TMEM266: variants seen among roughly 807,000 people sequenced by gnomAD.
The protein encoded by TMEM266 is Hv1 related protein 1.
TMEM266 carries 33 observed loss-of-function variants against 50.5 expected under a neutral mutation model. That is an observed-to-expected ratio of 0.65 (90% CI 0.50 to 0.87). The LOEUF (loss-of-function observed/expected upper bound fraction) is 0.87. TMEM266 is among the 40% of genes least tolerant of loss of function. The probability of loss-of-function intolerance (pLI) is 0.00; values close to 1 mark genes in which losing one functional copy is unlikely to be tolerated. For synonymous variants in TMEM266, 310 were observed against 292.3 expected, an observed-to-expected ratio of 1.06 and a Z score of -0.62; for missense variants, 655 against 695.1, an observed-to-expected ratio of 0.94 and a Z score of 0.65.
intron 4 of TMEM266, among the ~76,000 whole-genome samples, 190 bp from the exon 5 acceptor site, chr15:76,159,905 A>G (rs2037990409): frequency 6.6e-6 from 1 of 152,056 alleles, no homozygotes; most frequent in Admixed American, 6.5e-5. Flanking sequence ...TGGCTCCCAA[A>G]TGTCCTACTG....
chr15:76,156,464 T>G, intron 3 of TMEM266, 140 bp from the exon 4 acceptor site: 1 of 806,796 alleles, frequency 1.2e-6, no homozygotes, highest in South Asian at 1.8e-5. Flanking sequence ...TGAGGTTGTG[T>G]TTCGCCATGA....
chr15:76,174,760 A>G (rs2038246993), intron 7 of TMEM266: 1 of 152,214 alleles, frequency 6.6e-6, no homozygotes, highest in South Asian at 2.1e-4. Flanking sequence ...TTTCATATAA[A>G]TGGAATCATG....
intron 9 of TMEM266, among the ~76,000 whole-genome samples, chr15:76,194,231 T>C (rs2038623275): frequency 6.6e-6 from 1 of 152,256 alleles, no homozygotes; most frequent in Non-Finnish European, 1.5e-5. Flanking sequence ...AGCTGTAGCT[T>C]GTTTGATTCC....
chr15:76,171,225 G>A, intron 7 of TMEM266, 94 bp downstream of exon 7: 1 of 1,504,438 alleles, frequency 6.6e-7, no homozygotes, highest in South Asian at 1.3e-5. Flanking sequence ...GGTACACCCT[G>A]CTGGCGTCAG....
In TMEM266 at chr15:76,168,624, T is replaced by C. The variant is rs1322404735; in HGVS notation, c.457-1192T>C. Among the ~76,000 whole-genome samples, 1 of 152,234 alleles carries C rather than the reference T, an allele frequency of 6.6e-6. No individual in the cohort carries two copies. The highest frequency in any genetic ancestry group is 6.5e-5 in the Admixed American group (1 of 15,290). ...GAAACCGCTCCTGAAGGCAGCACCA[T>C]TCGGGAATTATTCCTTCATGCACGC... On this transcript the variant is annotated intron_variant, in intron 5 of 10. Transcript: ENST00000388942. The surrounding 1 kb of genome is among the most constrained non-coding windows in gnomAD (Gnocchi z 4.4).
At chr15:76,107,868 T>C (rs1463790235) in intron 1 of TMEM266, among the ~76,000 whole-genome samples, 2 of 152,226 alleles carry the variant, frequency 1.3e-5, no homozygotes, top group East Asian at 3.8e-4. Context: ...TTATTCCATA[T>C]CCTTCTGTCA....
rs192082636 is a variant in TMEM266 at position 76,064,784 on chromosome 15, G to A, written c.-97+4768G>A. Among the ~76,000 whole-genome samples, 9 of 152,334 alleles carry A rather than the reference G, an allele frequency of 5.9e-5. No homozygotes were observed. In the East Asian group the frequency reaches 1.7e-3, roughly 29 times the overall value. The stretch of plus-strand genomic sequence containing the variant: ...AAGTATTTTTGCCCTTTGCAGCCCA[G>A]GTTTTTGGAAGTCCAGGCAGCTGTT... On this transcript the variant is annotated intron_variant, in intron 1 of 10. Coordinates refer to ENST00000388942, the MANE Select transcript of TMEM266 (RefSeq NM_152335.3).
At chr15:76,126,493 C>A (rs2037425262) in intron 1 of TMEM266, among the ~76,000 whole-genome samples, 1 of 151,112 alleles carries the variant, frequency 6.6e-6, no homozygotes, top group South Asian at 2.1e-4. Flanking sequence ...CTAAGCCAGT[C>A]ACAGAAAGAC....
intron 1 of TMEM266, among the ~76,000 whole-genome samples, chr15:76,128,368 G>A (rs2037456290): frequency 6.6e-6 from 1 of 152,192 alleles, no homozygotes; most frequent in Non-Finnish European, 1.5e-5. Context: ...AGCTTAGGAA[G>A]GTTGAACTTG....
At chr15:76,172,755 C>T (rs1208880891) in intron 7 of TMEM266, among the ~76,000 whole-genome samples, 1 of 152,172 alleles carries the variant, frequency 6.6e-6, no homozygotes, top group East Asian at 1.9e-4. Context: ...AGGCTCAGAA[C>T]CAGAAGTGGA....
intron 1 of TMEM266, among the ~76,000 whole-genome samples, chr15:76,080,244 G>T (rs928801402): frequency 8.2e-6 from 1 of 122,490 alleles, no homozygotes; most frequent in Non-Finnish European, 1.7e-5. Flanking sequence ...GCAGGTGCCC[G>T]TAATCCCAGC....
At chr15:76,066,168 G>A (rs2036414591) in intron 1 of TMEM266, among the ~76,000 whole-genome samples, 1 of 152,128 alleles carries the variant, frequency 6.6e-6, no homozygotes, top group African/African-American at 2.4e-5. Flanking sequence ...TCTTTTAACT[G>A]CCAAAACATT....
chr15:76,191,695 T>G, intron 8 of TMEM266: 8 of 397,952 alleles, frequency 2.0e-5, no homozygotes, highest in Non-Finnish European at 3.1e-5. Flanking sequence ...AGGAAACACG[T>G]TGTGTTTCCT....
chr15:76,169,315 G>A (rs77476788), intron 5 of TMEM266, among the ~76,000 whole-genome samples: 5,389 of 152,216 alleles, frequency 0.035, 148 homozygotes, highest in Non-Finnish European at 0.055. Flanking sequence ...TTATTGTACA[G>A]GAAGGAGGGA....
At chr15:76,195,385 CT>C (rs1567184438) in intron 9 of TMEM266, among the ~76,000 whole-genome samples, 1 of 152,254 alleles carries the variant, frequency 6.6e-6, no homozygotes, top group Non-Finnish European at 1.5e-5. Context: ...TGCGTCTTCT[CT>C]GGGAGCTGAG....
chr15:76,075,896 T>C lies in TMEM266; in HGVS notation c.-97+15880T>C, dbSNP rs2036600793. Reference sequence around the variant, plus strand: ...TTTTGAGACACGGGCTTTTTTTGTGTCCCGGGCTGGAGTGCAGTGGCACAA... The same window carrying C: ...TTTTGAGACACGGGCTTTTTTTGTGCCCCGGGCTGGAGTGCAGTGGCACAA... On this transcript the variant is annotated intron_variant, in intron 1 of 10. Coordinates refer to ENST00000388942, the MANE Select transcript of TMEM266 (RefSeq NM_152335.3). Among the ~76,000 whole-genome samples, 2 of 134,692 alleles carry C rather than the reference T, an allele frequency of 1.5e-5. 1 individual carries two copies. Among genetic ancestry groups the C allele is most frequent in the Non-Finnish European group, 3.1e-5 (2 of 64,602 alleles). The allele number at this position is 134,692 out of a possible 152,430, so 88.4% of individuals were successfully genotyped here. A position where few individuals can be genotyped will look rare whatever the true frequency, so the allele number is the denominator to read the frequency against.
At chr15:76,111,609 T>C (rs1368848405) in intron 1 of TMEM266, among the ~76,000 whole-genome samples, 5 of 151,886 alleles carry the variant, frequency 3.3e-5, no homozygotes, top group Non-Finnish European at 5.9e-5. Flanking sequence ...GGTTTCCCCA[T>C]GTTGGGCAGG....
chr15:76,203,921 G>A lies in TMEM266; in HGVS notation c.1202G>A (p.Ser401Asn). 6.2e-7 allele frequency: 1 copy of A among 1,614,074 alleles called. No homozygotes were observed. Among genetic ancestry groups the A allele is most frequent in the Non-Finnish European group, 8.5e-7 (1 of 1,180,026 alleles). Residue 401 changes from serine to asparagine, a missense_variant, in exon 11 of 11, where the codon AGC becomes AAC. This residue lies in a region of TMEM266 where 455 missense variants were observed against 401.8 expected (regional missense o/e 1.13). Coordinates refer to ENST00000388942, the MANE Select transcript of TMEM266 (RefSeq NM_152335.3). ...TCAGTCACCCGGGCCCAGAGTGACA[G>A]CAGCCAGACGCTGGGCTCCTCCATG...
intron 3 of TMEM266, among the ~76,000 whole-genome samples, chr15:76,138,375 C>T (rs2037625506): frequency 6.6e-6 from 1 of 152,118 alleles, no homozygotes; most frequent in Non-Finnish European, 1.5e-5. Flanking sequence ...ATTACTTCCT[C>T]AGAAAAAGGC....
Sources: allele counts gnomAD v4.1 joint callset (sites outside exome capture counted in the v4.1 genomes callset), GRCh38; gene constraint gnomAD v4.1.1; regional missense constraint gnomAD v4.1.1; non-coding constraint Gnocchi (gnomAD v3.1); transcripts MANE v1.5; gene names NCBI Gene and HGNC (gene_info 2026-07-23, HGNC 2026-07-21).